The following ANAPC4 variants were observed in gnomAD, a reference collection of about 807,000 sequenced individuals.
ANAPC4 encodes the protein anaphase-promoting complex subunit 4.
ANAPC4 carries 63 observed loss-of-function variants against 119.8 expected under a neutral mutation model. The ratio of observed to expected loss-of-function variants is 0.53; its 90% CI spans 0.43 to 0.65. The LOEUF (loss-of-function observed/expected upper bound fraction) is 0.65. Ranked by LOEUF, ANAPC4 falls within the 30% of genes least tolerant of loss-of-function variation. The pLI is 0.00. For synonymous variants in ANAPC4, 283 were observed against 318.6 expected (o/e 0.89, Z 1.19); for missense variants, 716 against 945.1 (o/e 0.76, Z 3.18).
intron 4 of ANAPC4, among the ~76,000 whole-genome samples, chr4:25,387,687 T>TA (rs1722114461): frequency 2.6e-5 from 4 of 151,940 alleles, no homozygotes; most frequent in African/African-American, 9.7e-5. Context: ...CACCACTTTT[T>TA]TACTTGCTTA....
At chr4:25,388,444 G>T in intron 4 of ANAPC4, 56 bp from the exon 5 acceptor site, 2 of 1,208,070 alleles carry the variant, frequency 1.7e-6, no homozygotes, top group Non-Finnish European at 2.4e-6. Flanking sequence ...ATTTTTAATG[G>T]CAAGAGAAGT....
intron 19 of ANAPC4, 133 bp downstream of exon 19, chr4:25,407,018 A>C (rs142041781): frequency 1.0e-5 from 9 of 889,142 alleles, no homozygotes; most frequent in Middle Eastern, 3.3e-4. Context: ...CTGTTGAACT[A>C]ATTATGTTTA....
chr4:25,406,761 T>C, intron 18 of ANAPC4, 68 bp from the exon 19 acceptor site: 1 of 1,171,676 alleles, frequency 8.5e-7, no homozygotes, highest in Non-Finnish European at 1.2e-6. Flanking sequence ...TTTATAATTA[T>C]GTACCATTTC....
chr4:25,414,599 G>C lies in ANAPC4; in HGVS notation c.1725G>C (p.Leu575=). The change falls in exon 25 of 29, where the codon CTG becomes CTC. Residue 575 remains leucine, a splice_region_variant and synonymous_variant. Coordinates refer to ENST00000315368, the MANE Select transcript of ANAPC4 (RefSeq NM_013367.3). ...ATATTATGACAATTTTTTTTCTTAG[G>C]TGGAATAATAAAACTTCAAATCTAC... ...STRRLFKFPF[L]WNNKTSNLHY... 6.4e-7 allele frequency: 1 copy of C among 1,552,056 alleles called. No individual in the cohort carries two copies. Among genetic ancestry groups the C allele is most frequent in the Non-Finnish European group, 8.7e-7 (1 of 1,147,172 alleles).
intron 21 of ANAPC4, 43 bp from the exon 22 acceptor site, chr4:25,413,602 T>C: frequency 6.8e-7 from 1 of 1,465,980 alleles, no homozygotes; most frequent in Non-Finnish European, 9.5e-7. Context: ...ATAAGTTTGC[T>C]ATAGCTTCTT....
chr4:25,415,748 C>T (rs899448443), intron 26 of ANAPC4: 2 of 486,310 alleles, frequency 4.1e-6, no homozygotes, highest in South Asian at 3.9e-5. Context: ...CAGTTTATGT[C>T]GTACGGTTTC....
Position 25,389,051 on chromosome 4 carries a change from C to T in ANAPC4, c.515+169C>T, listed in dbSNP as rs562799270. 4.6e-5 allele frequency among the ~76,000 whole-genome samples: 7 copies of T among 152,170 alleles called. No homozygotes were observed. In the East Asian group the frequency reaches 7.7e-4, roughly 17 times the overall value. On this transcript the variant is annotated intron_variant, in intron 7 of 28. Transcript: ENST00000315368. ...TGTCACCCAGGCTGGAGTGCAGTGT[C>T]GTGATATTGGCTCACTACAACCTCT...
chr4:25,406,215 C>G (rs1032411450), intron 18 of ANAPC4, among the ~76,000 whole-genome samples: 1 of 152,190 alleles, frequency 6.6e-6, no homozygotes, highest in South Asian at 2.1e-4. Context: ...AAGGGTTCCT[C>G]CACTTTCTAC....
intron 14 of ANAPC4, among the ~76,000 whole-genome samples, chr4:25,396,327 A>G (rs778036045): frequency 3.3e-5 from 5 of 152,230 alleles, no homozygotes; most frequent in Non-Finnish European, 5.9e-5. Flanking sequence ...ACCTGACCCA[A>G]AATGGGAACT....
At chr4:25,385,963 T>C (rs1347990262) in intron 4 of ANAPC4, among the ~76,000 whole-genome samples, 1 of 152,168 alleles carries the variant, frequency 6.6e-6, no homozygotes, top group African/African-American at 2.4e-5. Context: ...GGAGTTTCGC[T>C]CTTATTGCCC....
chr4:25,387,084 A>G (rs73098460), intron 4 of ANAPC4, among the ~76,000 whole-genome samples: 7,189 of 152,172 alleles, frequency 0.047, 570 homozygotes, highest in African/African-American at 0.16. Context: ...GAAAAATGCT[A>G]AGTTGAGCAT....
chr4:25,411,439 A>G (rs1028236945), intron 21 of ANAPC4, among the ~76,000 whole-genome samples: 1 of 152,226 alleles, frequency 6.6e-6, no homozygotes, highest in African/African-American at 2.4e-5. Context: ...GAGTTCCATA[A>G]TGAATTCTAG....
intron 25 of ANAPC4, 145 bp downstream of exon 25, chr4:25,414,845 A>C: frequency 1.3e-6 from 1 of 750,590 alleles, no homozygotes; most frequent in Non-Finnish European, 1.9e-6. Flanking sequence ...CATGTCATTA[A>C]AAGGGTAACA....
rs889990356 is a variant in ANAPC4 at position 25,390,064 on chromosome 4, A to G, written c.516-72A>G. 20 of 1,059,616 alleles carry G rather than the reference A, an allele frequency of 1.9e-5. No individual in the cohort carries two copies. In the African/African-American group the frequency reaches 3.1e-4, roughly 16 times the overall value. 65.6% of individuals were successfully genotyped at this position (1,059,616 alleles called of 1,614,324 possible). The stretch of plus-strand genomic sequence containing the variant: ...GATTATATGAAAGCAGTAATAATTT[A>G]TATCTCGCTTTAACAATGCAATCAT... On this transcript the variant is annotated intron_variant, in intron 7 of 28. Coordinates refer to ENST00000315368, the MANE Select transcript of ANAPC4 (RefSeq NM_013367.3).
intron 18 of ANAPC4, among the ~76,000 whole-genome samples, chr4:25,406,226 A>G (rs1723240398): frequency 6.6e-6 from 1 of 152,238 alleles, no homozygotes; most frequent in African/African-American, 2.4e-5. Context: ...CACTTTCTAC[A>G]ACTCGTTTGC....
chr4:25,407,312 C>A, intron 20 of ANAPC4, 59 bp downstream of exon 20: 1 of 1,366,884 alleles, frequency 7.3e-7, no homozygotes, highest in Non-Finnish European at 1.0e-6. Context: ...TATCCAAAGT[C>A]TCTGGAAAGA....
intron 2 of ANAPC4, among the ~76,000 whole-genome samples, chr4:25,379,352 G>T (rs1484507293): frequency 3.3e-5 from 5 of 152,140 alleles, no homozygotes; most frequent in Non-Finnish European, 7.4e-5. Flanking sequence ...TGAGGGGAAT[G>T]GCCTAGGGGT....
Position 25,402,961 on chromosome 4 carries a change from A to G in ANAPC4, c.1215-10A>G, listed in dbSNP as rs535969677. 3.7e-5 allele frequency: 56 copies of G among 1,527,872 alleles called. No individual in the cohort carries two copies. The Admixed American group carries it at 4.2e-4, about 12-fold the overall frequency. 94.6% of individuals were successfully genotyped at this position (1,527,872 alleles called of 1,614,324 possible). A position where few individuals can be genotyped will look rare whatever the true frequency, so the allele number is the denominator to read the frequency against. ...ATCTTATTTCTGATTTTTTGTTTTT[A>G]TCTCTTTAGAGTTATAGATAGTAGT... On this transcript the variant is annotated splice_polypyrimidine_tract_variant and intron_variant, in intron 16 of 28. Transcript: ENST00000315368.
At chr4:25,415,693 T>C (rs2109147926) in intron 26 of ANAPC4, 153 bp downstream of exon 26, 1 of 602,696 alleles carries the variant, frequency 1.7e-6, no homozygotes, top group East Asian at 2.9e-5. Flanking sequence ...TATTTATACA[T>C]AGAGAATGAT....
Sources: allele counts gnomAD v4.1 joint callset (sites outside exome capture counted in the v4.1 genomes callset), GRCh38; gene constraint gnomAD v4.1.1; transcripts MANE v1.5; gene names NCBI Gene and HGNC (gene_info 2026-07-23, HGNC 2026-07-21).